Variants in MYZAP observed in about 807,000 individuals in gnomAD.
MYZAP encodes the protein GRINL1A complex locus upstream.
MYZAP carries 66 observed loss-of-function variants against 69.4 expected under a neutral mutation model. That is an observed-to-expected ratio of 0.95 (90% CI 0.78 to 1.17). The LOEUF (loss-of-function observed/expected upper bound fraction) is 1.17. MYZAP is among the 50% of genes most tolerant of loss of function. The pLI is 0.00. For missense variants in MYZAP, 611 were observed against 556.2 expected (o/e 1.10, Z -0.99); for synonymous variants, 256 against 205.9 (o/e 1.24, Z -2.09).
chr15:57,665,692 G>A (rs149142485), intron 11 of MYZAP, among the ~76,000 whole-genome samples: 21 of 152,270 alleles, frequency 1.4e-4, no homozygotes, highest in African/African-American at 4.6e-4. Flanking sequence ...TAATGAAAGC[G>A]GAAGACATGC....
intron 2 of MYZAP, 110 bp downstream of exon 2, chr15:57,604,465 G>A (rs2034615085): frequency 2.6e-6 from 3 of 1,169,956 alleles, no homozygotes; most frequent in South Asian, 3.1e-5. Context: ...CTGCACCTCT[G>A]TTGAGGAGAA....
chr15:57,671,500 C>T (rs1168985663), intron 11 of MYZAP, among the ~76,000 whole-genome samples: 6 of 152,062 alleles, frequency 3.9e-5, no homozygotes, highest in African/African-American at 1.4e-4. Flanking sequence ...CTCCTCTCTT[C>T]CTTTGACTAA....
In MYZAP at chr15:57,684,431, T is replaced by A. The variant is rs1171275918; in HGVS notation, c.1334T>A (p.Met445Lys). 1 of 1,613,350 alleles carries A rather than the reference T, an allele frequency of 6.2e-7. No individual in the cohort carries two copies. The highest frequency in any genetic ancestry group is 2.2e-5 in the East Asian group (1 of 44,870). Reference protein sequence around the residue: ...SQTGRTREIVMPSRNYTPYTR... With the variant: ...SQTGRTREIVKPSRNYTPYTR... Reference sequence around the variant, plus strand: ...ACAGGCAGGACTCGTGAAATTGTGATGCCTTCTAGGAACTACACCCCATAC... The same window carrying A: ...ACAGGCAGGACTCGTGAAATTGTGAAGCCTTCTAGGAACTACACCCCATAC... Residue 445 changes from methionine (M) to lysine (K), a missense_variant, in exon 13 of 13, where the codon ATG (methionine) becomes AAG (lysine). Transcript: ENST00000267853.
At chr15:57,667,943 T>TC (rs1222117527) in intron 11 of MYZAP, among the ~76,000 whole-genome samples, 10 of 152,210 alleles carry the variant, frequency 6.6e-5, no homozygotes, top group Non-Finnish European at 1.5e-5. Context: ...CAATTCTTGA[T>TC]CTTTTTTTTC....
In MYZAP at chr15:57,632,681, G is replaced by A. The variant is rs150913765; in HGVS notation, c.804+122G>A. 5.5e-3 allele frequency: 8,145 copies of A among 1,474,218 alleles called. 28 individuals carry two copies. The highest frequency in any genetic ancestry group is 7.0e-3 in the Non-Finnish European group (7,687 of 1,105,754). The allele number at this position is 1,474,218 out of a possible 1,614,324, so 91.3% of individuals were successfully genotyped here. ...GTCAGTAGACTCAGCCATGGGTAAG[G>A]GATCAAGGAATTATTCATCTGCTCA... On this transcript the variant is annotated intron_variant, in intron 7 of 12. Coordinates refer to ENST00000267853, the MANE Select transcript of MYZAP (RefSeq NM_001018100.5).
intron 10 of MYZAP, among the ~76,000 whole-genome samples, chr15:57,640,997 T>G (rs762771833): frequency 1.3e-5 from 2 of 152,212 alleles, no homozygotes; most frequent in Non-Finnish European, 2.9e-5. Flanking sequence ...TCAGTGAGCC[T>G]TGGCCGTCGG....
At chr15:57,599,364 T>G in intron 1 of MYZAP, 1 of 846,026 alleles carries the variant, frequency 1.2e-6, no homozygotes, top group African/African-American at 1.8e-5. Context: ...TTTTTTTTTT[T>G]TTTGCCATCG....
intron 11 of MYZAP, among the ~76,000 whole-genome samples, chr15:57,674,344 A>T (rs1311568817): frequency 6.6e-6 from 1 of 152,250 alleles, no homozygotes; most frequent in Non-Finnish European, 1.5e-5. Flanking sequence ...AAAGAAAAAA[A>T]ACTTTTCAGA....
intron 1 of MYZAP, among the ~76,000 whole-genome samples, chr15:57,595,708 A>G (rs1485316182): frequency 1.3e-5 from 2 of 152,166 alleles, no homozygotes; most frequent in African/African-American, 4.8e-5. Flanking sequence ...TCTCTTGATA[A>G]TAAAAGACTG....
intron 2 of MYZAP, among the ~76,000 whole-genome samples, chr15:57,610,230 C>T (rs1388815411): frequency 1.3e-5 from 2 of 152,168 alleles, no homozygotes; most frequent in African/African-American, 4.8e-5. Context: ...AGAGCAGATG[C>T]GTGGGTATGG....
At chr15:57,593,650 A>G (rs2033868656) in intron 1 of MYZAP, among the ~76,000 whole-genome samples, 3 of 152,214 alleles carry the variant, frequency 2.0e-5, no homozygotes, top group East Asian at 1.9e-4. Context: ...TGTCGGACAC[A>G]TTGTGACACT....
intron 2 of MYZAP, among the ~76,000 whole-genome samples, chr15:57,612,701 T>C (rs1221196310): frequency 6.6e-6 from 1 of 152,134 alleles, no homozygotes; most frequent in African/African-American, 2.4e-5. Context: ...GAATTTAGGC[T>C]GAGTTAGTTT....
intron 1 of MYZAP, among the ~76,000 whole-genome samples, chr15:57,595,333 TTATC>T (rs1298622429): frequency 6.6e-6 from 1 of 152,144 alleles, no homozygotes; most frequent in African/African-American, 2.4e-5. Flanking sequence ...AAAAATAGTT[TTATC>T]TATGGCAACA....
chr15:57,609,226 T>A (rs1362373089), intron 2 of MYZAP, among the ~76,000 whole-genome samples: 2 of 152,170 alleles, frequency 1.3e-5, no homozygotes, highest in Admixed American at 1.3e-4. Flanking sequence ...GCTTATTGAT[T>A]ATGATGATTG....
intron 12 of MYZAP, among the ~76,000 whole-genome samples, chr15:57,679,881 C>T (rs937388493): frequency 7.2e-5 from 11 of 152,162 alleles, no homozygotes; most frequent in African/African-American, 2.4e-4. Flanking sequence ...TCATACTTGC[C>T]GTTTCATGGC....
intron 1 of MYZAP, among the ~76,000 whole-genome samples, chr15:57,592,672 A>G (rs1358092240): frequency 1.3e-5 from 2 of 152,148 alleles, no homozygotes; most frequent in Non-Finnish European, 2.9e-5. Flanking sequence ...AAATATTAGC[A>G]CAGTGACAAC....
At chr15:57,666,498 G>T (rs1427550110) in intron 11 of MYZAP, among the ~76,000 whole-genome samples, 2 of 152,064 alleles carry the variant, frequency 1.3e-5, no homozygotes, top group Non-Finnish European at 2.9e-5. Flanking sequence ...TCCTCCCTCT[G>T]CCCCAAATCC....
At chr15:57,611,547 C>G (rs2035107637) in intron 2 of MYZAP, among the ~76,000 whole-genome samples, 1 of 152,092 alleles carries the variant, frequency 6.6e-6, no homozygotes, top group Non-Finnish European at 1.5e-5. Flanking sequence ...AAGCTGTGCA[C>G]TAGCGGTACG....
rs1187492698 is a variant in MYZAP at position 57,608,233 on chromosome 15, CG to C, written c.162+3882del. Among the ~76,000 whole-genome samples, 5 of 152,126 alleles carry C rather than the reference CG, an allele frequency of 3.3e-5. No homozygotes were observed. In the East Asian group the frequency reaches 9.6e-4, roughly 29 times the overall value. On this transcript the variant is annotated intron_variant, in intron 2 of 12. Coordinates refer to ENST00000267853, the MANE Select transcript of MYZAP (RefSeq NM_001018100.5). ...CTGTTCTGGGAGGTGTTTAATATTGCGGGGATGCCACGATGCCATGGGACAG... is the reference window on the plus strand; with the variant it reads ...CTGTTCTGGGAGGTGTTTAATATTGCGGGATGCCACGATGCCATGGGACAG...
Sources: gnomAD v4.1 joint callset for allele counts (sites outside exome capture counted in the v4.1 genomes callset) on GRCh38, gnomAD v4.1.1 for gene constraint, MANE v1.5 for transcripts, NCBI Gene and HGNC (gene_info 2026-07-23, HGNC 2026-07-21) for gene names.